PTPN5: variants seen among roughly 807,000 people sequenced by gnomAD.
PTPN5 encodes tyrosine-protein phosphatase non-receptor type 5.
In PTPN5, 29 loss-of-function variants were observed where a neutral mutation model predicts 73.9. The observed-to-expected ratio is 0.39, with a 90% CI of 0.29 to 0.54. The LOEUF (loss-of-function observed/expected upper bound fraction) is 0.54, where lower values mean the gene tolerates loss of function less well. PTPN5 is among the 20% of genes least tolerant of loss of function. PTPN5 has a pLI of 0.65. For synonymous variants in PTPN5, 267 were observed against 304.7 expected (o/e 0.88, Z 1.29); for missense variants, 652 against 751.4 (o/e 0.87, Z 1.55).
intron 1 of PTPN5, among the ~76,000 whole-genome samples, chr11:18,788,333 T>C (rs1564938086): frequency 1.3e-5 from 2 of 152,126 alleles, no homozygotes; most frequent in South Asian, 2.1e-4. Flanking sequence ...TTGATTATGT[T>C]TCTCCCCCAC....
At chr11:18,782,882 A>G (rs892622776) in intron 1 of PTPN5, among the ~76,000 whole-genome samples, 2 of 152,214 alleles carry the variant, frequency 1.3e-5, no homozygotes, top group Non-Finnish European at 2.9e-5. Flanking sequence ...GAACTCTCCC[A>G]CCCAAAGGCC....
upstream of PTPN5, chr11:18,792,078 A>G (rs1012354293): frequency 6.6e-6 from 1 of 152,166 alleles, no homozygotes; most frequent in East Asian, 1.9e-4. Context: ...GAGTGGGAGC[A>G]GCGCATCCAT....
chr11:18,733,222 C>T lies in PTPN5; in HGVS notation c.1218+13G>A, dbSNP rs770094659. On this transcript the variant is annotated intron_variant, in intron 11 of 14. Transcript: ENST00000358540. The surrounding 1 kb of genome is among the most constrained non-coding windows in gnomAD (Gnocchi z 4.3). The stretch of plus-strand genomic sequence containing the variant: ...ATGTAGCAGACACTTAGAATGGGGA[C>T]GGGGGTCCCTACCTCGTTCATCTCC... 24 of 1,607,560 alleles carry T rather than the reference C, an allele frequency of 1.5e-5. No individual in the cohort carries two copies. The highest frequency in any genetic ancestry group is 1.6e-4 in the Middle Eastern group (1 of 6,072).
intron 9 of PTPN5, among the ~76,000 whole-genome samples, chr11:18,734,744 A>AG (rs1849042119): frequency 1.3e-5 from 2 of 152,174 alleles, no homozygotes; most frequent in African/African-American, 4.8e-5. Context: ...GTATGGGGTA[A>AG]GGGGGAAGCT....
chr11:18,746,195 A>ATATATATATAT (rs377606416), intron 3 of PTPN5, among the ~76,000 whole-genome samples: 6 of 114,030 alleles, frequency 5.3e-5, no homozygotes, highest in Admixed American at 9.0e-5. Flanking sequence ...ATATATATAC[A>ATATATATATAT]TTTTTTTTTT....
chr11:18,747,334 A>G (rs544395402), intron 3 of PTPN5, among the ~76,000 whole-genome samples: 2 of 151,832 alleles, frequency 1.3e-5, no homozygotes, highest in Non-Finnish European at 2.9e-5. Context: ...TATTTTTAGT[A>G]GAGATGGGGT....
intron 4 of PTPN5, chr11:18,743,792 A>T: frequency 1.7e-6 from 1 of 594,818 alleles, no homozygotes; most frequent in Non-Finnish European, 2.8e-6. Flanking sequence ...TTCTTAGGTT[A>T]GGGAGGCAGG....
chr11:18,731,127 T>A (rs1848852760), intron 12 of PTPN5, among the ~76,000 whole-genome samples: 1 of 149,174 alleles, frequency 6.7e-6, no homozygotes, highest in Non-Finnish European at 1.5e-5. Flanking sequence ...CTTTTATACA[T>A]ATATATATAC....
chr11:18,779,833 C>T (rs183763066), intron 1 of PTPN5, among the ~76,000 whole-genome samples: 3 of 152,352 alleles, frequency 2.0e-5, no homozygotes, highest in Admixed American at 2.0e-4. Flanking sequence ...GGCTAACATG[C>T]TGTGCTCTGC....
intron 1 of PTPN5, among the ~76,000 whole-genome samples, chr11:18,787,140 T>C (rs1851708592): frequency 6.6e-6 from 1 of 152,218 alleles, no homozygotes; most frequent in Non-Finnish European, 1.5e-5. Flanking sequence ...CTGAATAAAA[T>C]ATGCAGACTT....
intron 3 of PTPN5, among the ~76,000 whole-genome samples, chr11:18,748,865 G>C (rs748376517): frequency 1.7e-4 from 26 of 152,174 alleles, no homozygotes; most frequent in Non-Finnish European, 2.9e-4. Flanking sequence ...GCACGGGCTA[G>C]GCTCTGGGGA....
Position 18,771,945 on chromosome 11 carries a change from C to G in PTPN5, c.14G>C (p.Gly5Ala). 1 of 1,587,576 alleles carries G rather than the reference C, an allele frequency of 6.3e-7. No homozygotes were observed. The highest frequency in any genetic ancestry group is 8.5e-7 in the Non-Finnish European group (1 of 1,170,052). MNYE[G>A]ARSERENHAA... ...GGCGTAAACGCTCACTCACCTGGCT[C>G]CCTCATAATTCATTCCCAAGGTGTC... The change falls in exon 2 of 15, where the codon GGA (glycine) becomes GCA (alanine). Residue 5 changes from glycine (G) to alanine (A), a missense_variant. Gly to Ala is a moderately conservative substitution (Grantham distance 60). This residue lies in a region of PTPN5 where 529 missense variants were observed against 573.9 expected (regional missense o/e 0.92). Coordinates refer to ENST00000358540, the MANE Select transcript of PTPN5 (RefSeq NM_006906.2).
chr11:18,791,815 G>A (rs918125825), upstream of PTPN5: 1 of 152,040 alleles, frequency 6.6e-6, no homozygotes, highest in South Asian at 2.1e-4. Flanking sequence ...GCAGCCGCCG[G>A]GTGGGTTTGG....
In PTPN5 at chr11:18,776,158, G is replaced by A. The variant is rs561271642; in HGVS notation, c.-113-4087C>T. 9.9e-5 allele frequency among the ~76,000 whole-genome samples: 15 copies of A among 152,220 alleles called. No individual in the cohort carries two copies. The South Asian group carries it at 2.9e-3, about 29-fold the overall frequency. On this transcript the variant is annotated intron_variant, in intron 1 of 14. Transcript: ENST00000358540. ...CCCCAGGTATGCAGTTTAATTTACCGGGAGAAAACAGGCAATCACAAATGC... is the reference window on the plus strand; with the variant it reads ...CCCCAGGTATGCAGTTTAATTTACCAGGAGAAAACAGGCAATCACAAATGC...
chr11:18,741,624 T>A (rs1849368730), intron 7 of PTPN5, among the ~76,000 whole-genome samples: 1 of 152,154 alleles, frequency 6.6e-6, no homozygotes, highest in Non-Finnish European at 1.5e-5. Context: ...AAGTGTGCTC[T>A]GTGGAACACT....
At chr11:18,738,086 A>C in intron 8 of PTPN5, 122 bp from the exon 9 acceptor site, 1 of 743,928 alleles carries the variant, frequency 1.3e-6, no homozygotes, top group South Asian at 1.5e-5. Flanking sequence ...TTCATTCAAC[A>C]AACATTTACT....
At chr11:18,781,306 CTG>C (rs1289676413) in intron 1 of PTPN5, among the ~76,000 whole-genome samples, 1 of 121,958 alleles carries the variant, frequency 8.2e-6, no homozygotes, top group East Asian at 2.9e-4. Flanking sequence ...AGAGATCAGA[CTG>C]TCTTTTTTTG....
rs1450625983 is a variant in PTPN5 at position 18,729,000 on chromosome 11, C to T, written c.1632G>A (p.Gln544=). The T allele has an allele frequency of 1.9e-6, 3 of 1,613,832 alleles. No individual in the cohort carries two copies. Among genetic ancestry groups the T allele is most frequent in the Admixed American group, 1.7e-5 (1 of 59,976 alleles). Reference sequence around the variant, plus strand: ...TCATGACGTGGTGCACAAACTGGTACTGCTCGCATGTCTGGATCATGCCGC... The same window carrying T: ...TCATGACGTGGTGCACAAACTGGTATTGCTCGCATGTCTGGATCATGCCGC... ...DRGGMIQTCE[Q]YQFVHHVMSL... Residue 544 remains glutamine, a synonymous_variant, in exon 15 of 15, where the codon CAG becomes CAA. Transcript: ENST00000358540. This position sits in a 1 kb window ranked among gnomAD's most constrained non-coding sequence, Gnocchi z 4.1.
At chr11:18,782,609 T>A (rs1407710445) in intron 1 of PTPN5, among the ~76,000 whole-genome samples, 1 of 152,190 alleles carries the variant, frequency 6.6e-6, no homozygotes, top group Admixed American at 6.5e-5. Context: ...ACAAAATCCA[T>A]CTACAATGAT....
Sources: allele counts gnomAD v4.1 joint callset (sites outside exome capture counted in the v4.1 genomes callset), GRCh38; gene constraint gnomAD v4.1.1; regional missense constraint gnomAD v4.1.1; non-coding constraint Gnocchi (gnomAD v3.1); transcripts MANE v1.5; gene names NCBI Gene and HGNC (gene_info 2026-07-23, HGNC 2026-07-21).